The following CNR1 variants were observed in gnomAD, a reference collection of about 807,000 sequenced individuals.
CNR1 encodes cannabinoid receptor 1 (brain).
A neutral mutation model predicts 23.0 loss-of-function variants in CNR1; 10 were observed. That is an observed-to-expected ratio of 0.43 (90% CI 0.27 to 0.74). The LOEUF (loss-of-function observed/expected upper bound fraction) is 0.74. CNR1 is among the 30% of genes least tolerant of loss of function. The pLI is 0.19. For synonymous variants in CNR1, 271 were observed against 255.2 expected, an observed-to-expected ratio of 1.06 and a Z score of -0.59; for missense variants, 422 against 618.8, an observed-to-expected ratio of 0.68 and a Z score of 3.37.
chr6:88,156,562 T>A (rs1777810509), intron 1 of CNR1, among the ~76,000 whole-genome samples: 1 of 152,186 alleles, frequency 6.6e-6, no homozygotes, highest in African/African-American at 2.4e-5. Flanking sequence ...CTGTGTGAAT[T>A]CTCTTTCTCT....
chr6:88,147,273 C>G (rs1461705093), intron 1 of CNR1, among the ~76,000 whole-genome samples: 7 of 152,212 alleles, frequency 4.6e-5, no homozygotes, highest in Admixed American at 4.6e-4. Context: ...GATTATGCCA[C>G]TGCACTCCAG....
intron 1 of CNR1, among the ~76,000 whole-genome samples, chr6:88,164,560 G>A (rs751643218): frequency 2.0e-5 from 3 of 152,154 alleles, no homozygotes; most frequent in Non-Finnish European, 4.4e-5. Flanking sequence ...TCTTAACTGA[G>A]TTAGAGAGCG....
chr6:88,160,096 G>A (rs1778010907), intron 1 of CNR1, among the ~76,000 whole-genome samples: 1 of 152,044 alleles, frequency 6.6e-6, no homozygotes, highest in Middle Eastern at 3.2e-3. Flanking sequence ...GGGAGGCTGA[G>A]GCAGGCGGAT....
At chr6:88,151,256 G>C (rs1394427183) in intron 1 of CNR1, among the ~76,000 whole-genome samples, 1 of 152,202 alleles carries the variant, frequency 6.6e-6, no homozygotes, top group East Asian at 1.9e-4. Flanking sequence ...GCTCCATGTG[G>C]TTAGTAGCTA....
chr6:88,164,501 T>G (rs1778266336), intron 1 of CNR1, among the ~76,000 whole-genome samples: 1 of 152,222 alleles, frequency 6.6e-6, no homozygotes, highest in South Asian at 2.1e-4. Context: ...TGAAAGTAAT[T>G]TGTCTCACTT....
At chr6:88,153,048 C>T (rs890500150) in intron 1 of CNR1, among the ~76,000 whole-genome samples, 1 of 152,108 alleles carries the variant, frequency 6.6e-6, no homozygotes, top group Non-Finnish European at 1.5e-5. Context: ...CCAACATATT[C>T]TAACAGTGTA....
At chr6:88,163,127 CT>C (rs1562518947) in intron 1 of CNR1, 1 of 152,140 alleles carries the variant, frequency 6.6e-6, no homozygotes, top group African/African-American at 2.4e-5. Context: ...ACTGTATATT[CT>C]TAGATTAGAC....
chr6:88,154,479 T>A (rs778010877), intron 1 of CNR1, among the ~76,000 whole-genome samples: 4 of 152,274 alleles, frequency 2.6e-5, no homozygotes, highest in Non-Finnish European at 4.4e-5. Context: ...TACTATTTAA[T>A]TTTGCTCTTC....
Position 88,144,432 on chromosome 6 carries a change from C to T in CNR1, c.843G>A (p.Gly281=). 1.9e-6 allele frequency: 3 copies of T among 1,614,102 alleles called. No homozygotes were observed. Among genetic ancestry groups the T allele is most frequent in the Non-Finnish European group, 2.5e-6 (3 of 1,180,030 alleles). The change falls in exon 2 of 2, where the codon GGG becomes GGA. Residue 281 remains glycine, a synonymous_variant. Coordinates refer to ENST00000369501, the MANE Select transcript of CNR1 (RefSeq NM_016083.6). The surrounding 1 kb of genome is among the most constrained non-coding windows in gnomAD (Gnocchi z 7.8). The part of the protein sequence containing the change: ...IDETYLMFWI[G]VTSVLLLFIV... ...TGAACAGAAGCAGTACGCTGGTGAC[C>T]CCGATCCAGAACATCAGGTAGGTTT...
chr6:88,148,544 A>G (rs1313290479), intron 1 of CNR1, among the ~76,000 whole-genome samples: 2 of 152,156 alleles, frequency 1.3e-5, no homozygotes, highest in Non-Finnish European at 2.9e-5. Context: ...GATTCTCCCA[A>G]TGCTGATTAA....
Position 88,144,881 on chromosome 6 carries a change from G to A in CNR1, c.394C>T (p.Leu132=), listed in dbSNP as rs745842850. ...ACGCACAGCACCAGGAGGTTCTCCA[G>A]GACCGTGAAGGTGCCCAGCGTGAGG... ...LSLTLGTFTV[L]ENLLVLCVIL... is the part of the protein sequence containing the mutation. Residue 132 remains leucine, a synonymous_variant, in exon 2 of 2, where the codon CTG becomes TTG. Transcript: ENST00000369501. The surrounding 1 kb of genome is among the most constrained non-coding windows in gnomAD (Gnocchi z 7.8). The A allele has an allele frequency of 3.7e-6, 6 of 1,614,230 alleles. No individual in the cohort carries two copies. In the East Asian group the frequency reaches 6.7e-5, roughly 18 times the overall value.
chr6:88,161,923 T>C (rs1350673346), intron 1 of CNR1, among the ~76,000 whole-genome samples: 1 of 152,242 alleles, frequency 6.6e-6, no homozygotes, highest in Non-Finnish European at 1.5e-5. Context: ...GATATGGTAA[T>C]AACCTTCTGT....
intron 1 of CNR1, among the ~76,000 whole-genome samples, chr6:88,146,729 A>C (rs992354658): frequency 6.6e-6 from 1 of 152,246 alleles, no homozygotes; most frequent in African/African-American, 2.4e-5. Context: ...AATTAAAATA[A>C]GAATTAAAAC....
chr6:88,143,875 G>C lies in CNR1; in HGVS notation c.1400C>G (p.Thr467Arg). Residue 467 changes from threonine (T) to arginine (R), a missense_variant, in exon 2 of 2, where the codon ACG becomes AGG. Thr to Arg is a moderately conservative substitution (Grantham distance 71). This residue lies in a region of CNR1 where 79 missense variants were observed against 98.0 expected (regional missense o/e 0.81). Transcript: ENST00000369501. Reference sequence around the variant, plus strand: ...TCAGGCTCACAGAGCCTCGGCAGACGTGTCTGTGGACACAGACATGGTTAC... The same window carrying C: ...TCAGGCTCACAGAGCCTCGGCAGACCTGTCTGTGGACACAGACATGGTTAC... ...AKVTMSVSTD[T>R]SAEAL 6.2e-7 allele frequency: 1 copy of C among 1,613,126 alleles called. No individual in the cohort carries two copies. Among genetic ancestry groups the C allele is most frequent in the Non-Finnish European group, 8.5e-7 (1 of 1,179,198 alleles).
intron 1 of CNR1, among the ~76,000 whole-genome samples, chr6:88,151,941 A>C (rs547525716): frequency 1.3e-5 from 2 of 152,240 alleles, no homozygotes; most frequent in Non-Finnish European, 2.9e-5. Context: ...GGAGGCCATC[A>C]GATGTTAAGT....
chr6:88,164,623 G>C (rs187148401), intron 1 of CNR1, among the ~76,000 whole-genome samples: 1 of 152,300 alleles, frequency 6.6e-6, no homozygotes, highest in East Asian at 1.9e-4. Context: ...ATCAATTAGT[G>C]TATCTTCCCT....
chr6:88,144,280 G>A lies in CNR1; in HGVS notation c.995C>T (p.Pro332Leu), dbSNP rs1254460734. 3 of 1,611,158 alleles carry A rather than the reference G, an allele frequency of 1.9e-6. No homozygotes were observed. The highest frequency in any genetic ancestry group is 2.7e-5 in the African/African-American group (2 of 74,874). The stretch of plus-strand genomic sequence containing the variant: ...CCTAATGTCCATGCGGGCTTGGTCT[G>A]GCCGGGTCACCTGTACCTTCCCATC... ...SEDGKVQVTR[P>L]DQARMDIRLA... The change falls in exon 2 of 2, where the codon CCA becomes CTA. Residue 332 changes from proline (P) to leucine (L), a missense_variant. Physicochemically the swap from Pro to Leu is moderately conservative, Grantham distance 98. Coordinates refer to ENST00000369501, the MANE Select transcript of CNR1 (RefSeq NM_016083.6). The surrounding 1 kb of genome is among the most constrained non-coding windows in gnomAD (Gnocchi z 7.8).
intron 1 of CNR1, among the ~76,000 whole-genome samples, chr6:88,155,243 T>C (rs763191702): frequency 6.6e-6 from 1 of 152,226 alleles, no homozygotes; most frequent in African/African-American, 2.4e-5. Context: ...AAAAGCCAAG[T>C]CTTATTTCTC....
At chr6:88,154,505 T>C (rs562271808) in intron 1 of CNR1, among the ~76,000 whole-genome samples, 28 of 152,392 alleles carry the variant, frequency 1.8e-4, no homozygotes, top group African/African-American at 5.0e-4. Flanking sequence ...AGCTGTTTCC[T>C]CCAATTAAGA....
Sources: allele counts gnomAD v4.1 joint callset (sites outside exome capture counted in the v4.1 genomes callset), GRCh38; gene constraint gnomAD v4.1.1; regional missense constraint gnomAD v4.1.1; non-coding constraint Gnocchi (gnomAD v3.1); transcripts MANE v1.5; gene names NCBI Gene and HGNC (gene_info 2026-07-23, HGNC 2026-07-21).